The following KIF4A variants were observed in gnomAD, a reference collection of about 807,000 sequenced individuals.
KIF4A encodes kinesin family member 4A.
KIF4A carries 7 observed loss-of-function variants against 105.9 expected under a neutral mutation model. The observed-to-expected ratio is 0.07, with a 90% CI of 0.04 to 0.12. The LOEUF is 0.12. KIF4A is among the 10% of genes least tolerant of loss of function. KIF4A has a pLI of 1.00. For missense variants in KIF4A, 558 were observed against 929.2 expected, an observed-to-expected ratio of 0.60 and a Z score of 5.19; for synonymous variants, 281 against 331.3, an observed-to-expected ratio of 0.85 and a Z score of 1.65.
intron 22 of KIF4A, among the ~76,000 whole-genome samples, chrX:70,399,013 TA>T (rs1286604644): frequency 2.7e-5 from 3 of 111,481 alleles, no homozygotes; most frequent in African/African-American, 9.8e-5. Context: ...TCTCAGGTTT[TA>T]AAAAAACAAG....
intron 7 of KIF4A, among the ~76,000 whole-genome samples, chrX:70,311,965 A>C (rs1569230995): frequency 9.3e-6 from 1 of 107,533 alleles, no homozygotes; most frequent in Admixed American, 1.0e-4. Context: ...AAAAAAAAAA[A>C]GAAAAAAAAA....
chrX:70,419,821 T>C (rs779546915), intron 30 of KIF4A, 38 bp downstream of exon 30: 147 of 1,205,016 alleles, frequency 1.2e-4, no homozygotes, highest in Non-Finnish European at 1.6e-4. Context: ...AAAACTGGAT[T>C]AGCGTCCTTC....
At chrX:70,402,468 T>A in intron 22 of KIF4A, 98 bp from the exon 23 acceptor site, 1 of 973,772 alleles carries the variant, frequency 1.0e-6, no homozygotes, top group Non-Finnish European at 1.4e-6. Flanking sequence ...AACTGATAGC[T>A]CCATCCATAA....
At chrX:70,374,965 G>A (rs1569246112) in intron 16 of KIF4A, among the ~76,000 whole-genome samples, 1 of 112,174 alleles carries the variant, frequency 8.9e-6, no homozygotes, top group Non-Finnish European at 1.9e-5. Context: ...TGCAAAAGGG[G>A]CGGCGTATAT....
At chrX:70,308,397 A>G (rs1227473516) in intron 7 of KIF4A, among the ~76,000 whole-genome samples, 1 of 112,531 alleles carries the variant, frequency 8.9e-6, no homozygotes, top group Non-Finnish European at 1.9e-5. Context: ...AATACAAACA[A>G]TACAGATGAA....
intron 18 of KIF4A, among the ~76,000 whole-genome samples, chrX:70,377,645 A>G (rs910819843): frequency 4.4e-5 from 5 of 112,674 alleles, no homozygotes; most frequent in African/African-American, 1.6e-4. Flanking sequence ...ATTTAAAAGT[A>G]TTGAAACAGG....
chrX:70,418,214 A>G (rs762106247), intron 29 of KIF4A, among the ~76,000 whole-genome samples: 1 of 111,690 alleles, frequency 9.0e-6, no homozygotes, highest in African/African-American at 3.3e-5. Flanking sequence ...CAGAAACCAC[A>G]GCACTTCCCA....
intron 7 of KIF4A, among the ~76,000 whole-genome samples, chrX:70,324,625 TCTTTTTTTCAAAGTTTTAAA>T (rs1472940058): frequency 2.7e-5 from 3 of 111,771 alleles, no homozygotes; most frequent in Admixed American, 9.5e-5. Context: ...ATGGTTTCTT[TCTTTTTTTCAAAGTTTTAAA>T]CTTTTTATTT....
At position 70,383,236 on chromosome X, in the gene KIF4A, C is replaced by T. The variant is rs180895162; in HGVS notation, c.2035-3382C>T. Among the ~76,000 whole-genome samples the T allele has an allele frequency of 7.6e-3, 836 of 110,173 alleles. 9 individuals are homozygous for T. Among genetic ancestry groups the T allele is most frequent in the African/African-American group, 0.026 (781 of 30,382 alleles). ...ACCAATCAACAATAAAAATATAACCCAGTTTTAAAATGGGCAAAGCAATAA... is the reference window on the plus strand; with the variant it reads ...ACCAATCAACAATAAAAATATAACCTAGTTTTAAAATGGGCAAAGCAATAA... On this transcript the variant is annotated intron_variant, in intron 18 of 30. Coordinates refer to ENST00000374403, the MANE Select transcript of KIF4A (RefSeq NM_012310.5).
chrX:70,301,309 G>A (rs1337753383), intron 5 of KIF4A, among the ~76,000 whole-genome samples: 1 of 111,337 alleles, frequency 9.0e-6, no homozygotes, highest in Admixed American at 9.6e-5. Context: ...TAAAATTATA[G>A]CATATTGGAG....
intron 15 of KIF4A, among the ~76,000 whole-genome samples, chrX:70,369,012 A>G (rs1055418738): frequency 7.1e-5 from 8 of 112,394 alleles, no homozygotes; most frequent in African/African-American, 2.6e-4. Context: ...TGTGCTAGCA[A>G]TAAGCGAAGC....
intron 26 of KIF4A, 112 bp from the exon 27 acceptor site, chrX:70,406,147 T>TAGTAA (rs2086299456): frequency 1.8e-5 from 11 of 610,653 alleles, no homozygotes; most frequent in Non-Finnish European, 2.6e-5. Context: ...TAATCCTGCA[T>TAGTAA]CACTTTACTA....
At chrX:70,339,084 C>CA (rs906085372) in intron 10 of KIF4A, among the ~76,000 whole-genome samples, 3,932 of 47,047 alleles carry the variant, frequency 0.084, 146 homozygotes, top group African/African-American at 0.14. Flanking sequence ...GACTCCATCT[C>CA]AAAAAAAAAA....
intron 28 of KIF4A, among the ~76,000 whole-genome samples, chrX:70,410,901 A>G (rs991536631): frequency 3.6e-5 from 4 of 112,135 alleles, no homozygotes; most frequent in African/African-American, 1.3e-4. Flanking sequence ...TAGGACTAAT[A>G]TCCTGAGTCA....
intron 28 of KIF4A, among the ~76,000 whole-genome samples, chrX:70,414,171 C>T (rs1421174743): frequency 9.0e-6 from 1 of 111,339 alleles, no homozygotes; most frequent in Non-Finnish European, 1.9e-5. Flanking sequence ...TTAAATAAAT[C>T]GACATTATCC....
At chrX:70,412,748 C>T (rs895820875) in intron 28 of KIF4A, among the ~76,000 whole-genome samples, 2 of 110,618 alleles carry the variant, frequency 1.8e-5, no homozygotes. Context: ...CGTGGTGAAA[C>T]CCTGTCTCTA....
intron 28 of KIF4A, among the ~76,000 whole-genome samples, chrX:70,409,238 C>T (rs1296660463): frequency 9.0e-6 from 1 of 111,407 alleles, no homozygotes; most frequent in Non-Finnish European, 1.9e-5. Flanking sequence ...ACTATTGCTG[C>T]GTTGTAAGAC....
chrX:70,419,976 G>A, intron 30 of KIF4A, 86 bp from the exon 31 acceptor site: 1 of 1,003,773 alleles, frequency 1.0e-6, no homozygotes, highest in Non-Finnish European at 1.4e-6. Context: ...ACTACTGGGA[G>A]TATGTCGAGC....
intron 29 of KIF4A, 98 bp from the exon 30 acceptor site, chrX:70,419,563 G>A: frequency 9.7e-7 from 1 of 1,034,166 alleles, no homozygotes; most frequent in Non-Finnish European, 1.4e-6. Flanking sequence ...TGACTAATCA[G>A]GCACTTAGAG....
Sources: gnomAD v4.1 joint callset for allele counts (sites outside exome capture counted in the v4.1 genomes callset) on GRCh38, gnomAD v4.1.1 for gene constraint, MANE v1.5 for transcripts, NCBI Gene and HGNC (gene_info 2026-07-23, HGNC 2026-07-21) for gene names.